The following CCSER1 variants were observed in gnomAD, a reference collection of about 807,000 sequenced individuals.
The protein encoded by CCSER1 is serine-rich coiled-coil domain-containing protein 1.
CCSER1 carries 41 observed loss-of-function variants against 82.0 expected under a neutral mutation model. The observed-to-expected ratio is 0.50, with a 90% CI of 0.39 to 0.65. The LOEUF is 0.65. Ranked by LOEUF, CCSER1 falls within the 30% of genes least tolerant of loss-of-function variation. The pLI is 0.00. For synonymous variants in CCSER1, 414 were observed against 383.9 expected (o/e 1.08, Z -0.92); for missense variants, 1,119 against 1,064.2 (o/e 1.05, Z -0.72).
chr4:90,410,876 A>G (rs911305200), intron 4 of CCSER1, among the ~76,000 whole-genome samples: 5 of 152,256 alleles, frequency 3.3e-5, no homozygotes, highest in Admixed American at 2.6e-4. Context: ...ATAGACCACT[A>G]GCAAGACTAA....
At position 91,192,328 on chromosome 4, in the gene CCSER1, G is replaced by A. The variant is rs573287808; in HGVS notation, c.2217+106334G>A. Among the ~76,000 whole-genome samples the A allele has an allele frequency of 1.1e-4, 17 of 152,078 alleles. 1 individual carries two copies. The South Asian group carries it at 3.5e-3, about 32-fold the overall frequency. ...TACTTCCACATATTTAATTTCTTCAGATTTCCAACATCAAATCTCAAGCCA... is the reference window on the plus strand; with the variant it reads ...TACTTCCACATATTTAATTTCTTCAAATTTCCAACATCAAATCTCAAGCCA... On this transcript the variant is annotated intron_variant, in intron 10 of 10. Coordinates refer to ENST00000509176, the MANE Select transcript of CCSER1 (RefSeq NM_001145065.2).
At chr4:91,138,594 A>T (rs1361484777) in intron 10 of CCSER1, among the ~76,000 whole-genome samples, 2 of 85,202 alleles carry the variant, frequency 2.3e-5, no homozygotes, top group East Asian at 6.4e-4. Flanking sequence ...ATGGGATCTA[A>T]TTAAACTAAA....
At chr4:91,197,924 C>T (rs1735585642) in intron 10 of CCSER1, among the ~76,000 whole-genome samples, 1 of 151,828 alleles carries the variant, frequency 6.6e-6, no homozygotes, top group South Asian at 2.1e-4. Flanking sequence ...TTCCATAGCA[C>T]AATGCTCACA....
intron 10 of CCSER1, among the ~76,000 whole-genome samples, chr4:91,097,879 A>G (rs1184192947): frequency 2.0e-5 from 3 of 152,322 alleles, no homozygotes; most frequent in African/African-American, 7.2e-5. Context: ...AGCATATCTT[A>G]TAACCTGTTA....
intron 10 of CCSER1, among the ~76,000 whole-genome samples, chr4:91,141,351 C>A (rs1179983981): frequency 6.6e-6 from 1 of 152,128 alleles, no homozygotes; most frequent in Non-Finnish European, 1.5e-5. Context: ...TGGTTTTCAC[C>A]ATGTTGGCCA....
chr4:90,691,550 T>C lies in CCSER1; in HGVS notation c.1933-32364T>C, dbSNP rs573152148. On this transcript the variant is annotated intron_variant, in intron 6 of 10. Transcript: ENST00000509176. ...ATCACACGTATAATACATGTGTACA[T>C]ATCACATGTGTGTATATCACATGTA... Among the ~76,000 whole-genome samples the C allele has an allele frequency of 1.7e-4, 23 of 132,738 alleles. No homozygotes were observed. The East Asian group carries it at 2.9e-3, about 16-fold the overall frequency. The allele number at this position is 132,738 out of a possible 152,430, so 87.1% of individuals were successfully genotyped here.
intron 10 of CCSER1, among the ~76,000 whole-genome samples, chr4:91,223,948 A>G (rs558191374): frequency 1.3e-5 from 2 of 152,274 alleles, no homozygotes; most frequent in African/African-American, 4.8e-5. Context: ...TATTGAGTAT[A>G]AAAATTAATA....
Position 90,964,752 on chromosome 4 carries a change from A to AG in CCSER1, c.2172+41306dup, listed in dbSNP as rs397973466. ...TCTCCAAAAAAAAAAAAAAAAAAAA[A>AG]GCAACAAGAATATGGGCAAAAATTG... On this transcript the variant is annotated intron_variant, in intron 9 of 10. Transcript: ENST00000509176. 9.8e-4 allele frequency among the ~76,000 whole-genome samples: 147 copies of AG among 150,016 alleles called. 1 individual carries two copies. Among genetic ancestry groups the AG allele is most frequent in the African/African-American group, 2.5e-3 (103 of 40,844 alleles).
chr4:91,405,939 C>T lies in CCSER1; in HGVS notation c.2218-192633C>T, dbSNP rs531542253. Among the ~76,000 whole-genome samples, 16 of 152,188 alleles carry T rather than the reference C, an allele frequency of 1.1e-4. No homozygotes were observed. In the East Asian group the frequency reaches 1.4e-3, roughly 13 times the overall value. ...CTCAATTGGAAATGCAGAAATCACC[C>T]GTCTTCTACATTGCTCATGCTGGGA... On this transcript the variant is annotated intron_variant, in intron 10 of 10. Coordinates refer to ENST00000509176, the MANE Select transcript of CCSER1 (RefSeq NM_001145065.2).
intron 1 of CCSER1, among the ~76,000 whole-genome samples, chr4:90,219,656 C>T (rs1741757621): frequency 6.6e-6 from 1 of 152,098 alleles, no homozygotes; most frequent in South Asian, 2.1e-4. Context: ...GGGGATTTTT[C>T]AGATCCCACT....
chr4:90,279,787 C>G (rs1410986317), intron 1 of CCSER1, among the ~76,000 whole-genome samples: 1 of 151,860 alleles, frequency 6.6e-6, no homozygotes, highest in Non-Finnish European at 1.5e-5. Context: ...TTAGCACTAC[C>G]CTCTAGATGT....
At chr4:91,413,845 T>A (rs1404042709) in intron 10 of CCSER1, among the ~76,000 whole-genome samples, 2 of 152,122 alleles carry the variant, frequency 1.3e-5, no homozygotes, top group Admixed American at 1.3e-4. Flanking sequence ...ATCAGCAGAC[T>A]TCTCAGCAAA....
At chr4:90,303,014 G>T (rs1733475799) in intron 1 of CCSER1, among the ~76,000 whole-genome samples, 1 of 152,018 alleles carries the variant, frequency 6.6e-6, no homozygotes, top group South Asian at 2.1e-4. Flanking sequence ...CTCTTATTTG[G>T]CTGAGAAACT....
At chr4:91,422,105 C>T (rs948663185) in intron 10 of CCSER1, among the ~76,000 whole-genome samples, 2 of 152,092 alleles carry the variant, frequency 1.3e-5, no homozygotes, top group Non-Finnish European at 2.9e-5. Context: ...GCCCTGTCCA[C>T]ACCTTGATTT....
chr4:91,159,668 C>A (rs1731178481), intron 10 of CCSER1, among the ~76,000 whole-genome samples: 1 of 151,760 alleles, frequency 6.6e-6, no homozygotes, highest in Non-Finnish European at 1.5e-5. Flanking sequence ...AAAGAATGTG[C>A]AGCAGATAAT....
At chr4:91,554,135 T>A (rs1560759369) in intron 10 of CCSER1, among the ~76,000 whole-genome samples, 1 of 151,684 alleles carries the variant, frequency 6.6e-6, no homozygotes, top group African/African-American at 2.4e-5. Flanking sequence ...TGATTTATCC[T>A]CTGACATTGT....
intron 9 of CCSER1, among the ~76,000 whole-genome samples, chr4:90,973,226 C>G (rs1012090901): frequency 6.6e-6 from 1 of 151,534 alleles, no homozygotes; most frequent in Non-Finnish European, 1.5e-5. Context: ...AGTAAAATAA[C>G]AGCCTAAGGA....
intron 7 of CCSER1, among the ~76,000 whole-genome samples, chr4:90,744,822 A>G (rs1450690928): frequency 1.3e-5 from 2 of 152,156 alleles, no homozygotes; most frequent in African/African-American, 4.8e-5. Flanking sequence ...CTGAGGTGGA[A>G]TAGTTTCATC....
intron 6 of CCSER1, among the ~76,000 whole-genome samples, chr4:90,631,218 C>T (rs896988541): frequency 6.6e-6 from 1 of 152,012 alleles, no homozygotes; most frequent in Non-Finnish European, 1.5e-5. Flanking sequence ...TTTTTAATGG[C>T]AGGAGGTACC....
Sources: allele counts gnomAD v4.1 joint callset (sites outside exome capture counted in the v4.1 genomes callset), GRCh38; gene constraint gnomAD v4.1.1; transcripts MANE v1.5; gene names NCBI Gene and HGNC (gene_info 2026-07-23, HGNC 2026-07-21).